JCAD: variants seen among roughly 807,000 people sequenced by gnomAD.
JCAD encodes the protein junctional cadherin 5-associated protein.
A neutral mutation model predicts 98.0 loss-of-function variants in JCAD; 40 were observed. The observed-to-expected ratio is 0.41, with a 90% CI of 0.32 to 0.53. The LOEUF is 0.53. Among genes scored for constraint, JCAD ranks in the 20% least tolerant of loss-of-function variants. The pLI is 0.31. For missense variants in JCAD, 1,705 were observed against 1,738.1 expected, an observed-to-expected ratio of 0.98 and a Z score of 0.34; for synonymous variants, 691 against 682.3, an observed-to-expected ratio of 1.01 and a Z score of -0.20.
intron 3 of JCAD, among the ~76,000 whole-genome samples, chr10:30,020,282 G>T (rs888675162): frequency 7.3e-6 from 1 of 137,050 alleles, no homozygotes; most frequent in African/African-American, 2.8e-5. Flanking sequence ...AGCTGAGATC[G>T]CACCACTGCA....
In JCAD at chr10:30,079,314, T is replaced by A. The variant is rs925554405; in HGVS notation, n.129-9493A>T. 2.2e-5 allele frequency among the ~76,000 whole-genome samples: 3 copies of A among 137,876 alleles called. No homozygotes were observed. The South Asian group carries it at 6.7e-4, about 31-fold the overall frequency. 90.5% of individuals were successfully genotyped at this position (137,876 alleles called of 152,430 possible). A position where few individuals can be genotyped will look rare whatever the true frequency, so the allele number is the denominator to read the frequency against. ...GTGAGCCCAGAATGTGCCACTGCAC[T>A]CTAGCCTGGGCGATAGAGCAAGACT... On this transcript the variant is annotated intron_variant and non_coding_transcript_variant, in intron 1 of 2. Coordinates refer to the JCAD transcript ENST00000465712.
At chr10:30,090,587 G>T (rs908266155) in intron 1 of JCAD, among the ~76,000 whole-genome samples, 9 of 151,344 alleles carry the variant, frequency 5.9e-5, no homozygotes, top group Non-Finnish European at 8.8e-5. Context: ...GGGGAGGGGA[G>T]GGGAAAGGGA....
At chr10:30,059,863 C>G (rs1396071210), upstream of JCAD, among the ~76,000 whole-genome samples, 3 of 152,116 alleles carry the variant, frequency 2.0e-5, no homozygotes, top group Non-Finnish European at 2.9e-5. The surrounding 1 kb of genome is among the most constrained non-coding windows in gnomAD (Gnocchi z 5.0). Flanking sequence ...CACAAACACA[C>G]AAAGATGTAT....
intron 2 of JCAD, among the ~76,000 whole-genome samples, chr10:30,035,247 C>T (rs565545900): frequency 3.9e-5 from 6 of 152,354 alleles, no homozygotes; most frequent in African/African-American, 7.2e-5. Context: ...AAATGTTACA[C>T]TATCACTTTA....
At position 30,017,691 on chromosome 10, in the gene JCAD, T is replaced by C. The variant is rs1836563127; in HGVS notation, c.*192A>G. 1 of 643,096 alleles carries C rather than the reference T, an allele frequency of 1.6e-6. No individual in the cohort carries two copies. The highest frequency in any genetic ancestry group is 2.8e-6 in the Non-Finnish European group (1 of 361,688). 39.8% of individuals were successfully genotyped at this position (643,096 alleles called of 1,614,324 possible). ...AAAACAGATGGTTTCAACGGACGATTGCTTTATCGCCACAAAGCAATTCTG... is the reference window on the plus strand; with the variant it reads ...AAAACAGATGGTTTCAACGGACGATCGCTTTATCGCCACAAAGCAATTCTG... On this transcript the variant is annotated 3_prime_UTR_variant, in exon 4 of 4. Transcript: ENST00000375377.
rs1393113342 is a variant in JCAD at position 30,059,061 on chromosome 10, G to C, written c.-60+421C>G. ...GCGAGATCTGGGCGCGAGGGCGCGG[G>C]AGGGGTTGGTGGACACAGGCTGGGG... On this transcript the variant is annotated intron_variant, in intron 1 of 3. Coordinates refer to ENST00000375377, the MANE Select transcript of JCAD (RefSeq NM_020848.4). This position sits in a 1 kb window ranked among gnomAD's most constrained non-coding sequence, Gnocchi z 5.0. 6.6e-6 allele frequency among the ~76,000 whole-genome samples: 1 copy of C among 152,036 alleles called. No homozygotes were observed. The highest frequency in any genetic ancestry group is 1.5e-5 in the Non-Finnish European group (1 of 67,958).
intron 1 of JCAD, among the ~76,000 whole-genome samples, chr10:30,112,111 A>G (rs1175260456): frequency 6.6e-6 from 1 of 152,182 alleles, no homozygotes; most frequent in Non-Finnish European, 1.5e-5. Context: ...TATACACACA[A>G]TGGACTATCA....
intron 1 of JCAD, among the ~76,000 whole-genome samples, chr10:30,110,249 T>C (rs1306038927): frequency 6.6e-6 from 1 of 151,572 alleles, no homozygotes; most frequent in Non-Finnish European, 1.5e-5. Flanking sequence ...TCCTGATGTA[T>C]GGACCCCTGA....
At position 30,109,851 on chromosome 10, in the gene JCAD, G is replaced by T. The variant is rs139091709; in HGVS notation, n.128+5516C>A. ...TGATGTATGGACCAGCTGATGTGTG[G>T]ACCCCCTGGTTTATGAACTAGCTGA... is the stretch of plus-strand genomic sequence containing the variant. On this transcript the variant is annotated intron_variant and non_coding_transcript_variant, in intron 1 of 2. Coordinates refer to the JCAD transcript ENST00000465712. Among the ~76,000 whole-genome samples, 9 of 151,168 alleles carry T rather than the reference G, an allele frequency of 6.0e-5. No individual in the cohort carries two copies. In the East Asian group the frequency reaches 1.6e-3, roughly 26 times the overall value.
chr10:30,085,765 A>G (rs540025563), intron 1 of JCAD, among the ~76,000 whole-genome samples: 1 of 152,310 alleles, frequency 6.6e-6, no homozygotes. Context: ...ATCCGTCATG[A>G]CTTAGTTACC....
chr10:30,039,505 T>G (rs895146564), intron 2 of JCAD, among the ~76,000 whole-genome samples: 1 of 152,096 alleles, frequency 6.6e-6, no homozygotes. Context: ...ACCTTCAAAG[T>G]GTTATTCATC....
At chr10:30,062,925 C>A (rs1010360870), upstream of JCAD, among the ~76,000 whole-genome samples, 1 of 152,060 alleles carries the variant, frequency 6.6e-6, no homozygotes, top group African/African-American at 2.4e-5. Context: ...TGAGTATGAG[C>A]AGGTGATTAA....
At chr10:30,084,555 G>C (rs956048574) in intron 1 of JCAD, among the ~76,000 whole-genome samples, 2 of 152,166 alleles carry the variant, frequency 1.3e-5, no homozygotes, top group East Asian at 3.9e-4. Context: ...TCCTAAGTAA[G>C]GGAGAATTCC....
chr10:30,031,997 G>A (rs11007868), intron 2 of JCAD, among the ~76,000 whole-genome samples: 9,113 of 151,416 alleles, frequency 0.06, 857 homozygotes, highest in African/African-American at 0.21. Flanking sequence ...CTCGTGATCC[G>A]CCCGCCTCGG....
chr10:30,070,541 G>T (rs574325344), intron 1 of JCAD, among the ~76,000 whole-genome samples: 28 of 152,286 alleles, frequency 1.8e-4, no homozygotes, highest in African/African-American at 6.3e-4. Context: ...TTATTTGTCC[G>T]CATCTTTTTA....
upstream of JCAD, among the ~76,000 whole-genome samples, chr10:30,063,668 G>A (rs911046647): frequency 2.6e-5 from 4 of 152,206 alleles, no homozygotes; most frequent in Non-Finnish European, 5.9e-5. Flanking sequence ...ATGGGGTACA[G>A]TGTGATGTTT....
rs147662093 is a variant in JCAD, at chr10:30,081,831, G to C, written n.129-12010C>G. Among the ~76,000 whole-genome samples the C allele has an allele frequency of 4.4e-3, 664 of 152,272 alleles. 7 individuals are homozygous for C. The highest frequency in any genetic ancestry group is 0.044 in the South Asian group (210 of 4,818). On this transcript the variant is annotated intron_variant and non_coding_transcript_variant, in intron 1 of 2. Coordinates refer to the JCAD transcript ENST00000465712. ...GTGTCCCTGAGAGCTGCCCCTAAAG[G>C]GATCACTCACGTCTGCTGCATAGCA...
At chr10:30,104,641 G>A (rs1186415749) in intron 1 of JCAD, among the ~76,000 whole-genome samples, 1 of 152,126 alleles carries the variant, frequency 6.6e-6, no homozygotes, top group Non-Finnish European at 1.5e-5. Context: ...CTTGGGTGAT[G>A]GGACCATCCA....
At position 30,047,752 on chromosome 10, in the gene JCAD, C is replaced by G; in HGVS notation, c.61G>C (p.Ala21Pro). The change falls in exon 2 of 4, where the codon GCA becomes CCA. Residue 21 changes from alanine (A) to proline (P), a missense_variant. Ala to Pro is a conservative substitution (Grantham distance 27). This residue lies in a region of JCAD where 152 missense variants were observed against 148.0 expected (regional missense o/e 1.03). Coordinates refer to ENST00000375377, the MANE Select transcript of JCAD (RefSeq NM_020848.4). ...HGYKLSRDPP[A>P]SREDNPKGRQ... ...CCCTTGGGGTTATCCTCGCGTGATG[C>G]TGGGGGGTCTCTTGACAGCTTGTAT... 1 of 1,614,172 alleles carries G rather than the reference C, an allele frequency of 6.2e-7. No individual in the cohort carries two copies. Among genetic ancestry groups the G allele is most frequent in the East Asian group, 2.2e-5 (1 of 44,886 alleles).
Sources: gnomAD v4.1 joint callset for allele counts (sites outside exome capture counted in the v4.1 genomes callset) on GRCh38, gnomAD v4.1.1 for gene constraint, gnomAD v4.1.1 regional missense constraint, Gnocchi (gnomAD v3.1) non-coding constraint, MANE v1.5 for transcripts, NCBI Gene and HGNC (gene_info 2026-07-23, HGNC 2026-07-21) for gene names.